CCSER2: variants seen among roughly 807,000 people sequenced by gnomAD.
The protein encoded by CCSER2 is serine-rich coiled-coil domain-containing protein 2.
In CCSER2, 46 loss-of-function variants were observed where a neutral mutation model predicts 92.3. That is an observed-to-expected ratio of 0.50 (90% CI 0.39 to 0.64). The LOEUF (loss-of-function observed/expected upper bound fraction) is 0.64. CCSER2 is among the 30% of genes least tolerant of loss of function. CCSER2 has a pLI of 0.00. For synonymous variants in CCSER2, 433 were observed against 431.4 expected (o/e 1.00, Z -0.04); for missense variants, 1,244 against 1,238.9 (o/e 1.00, Z -0.06).
At chr10:84,413,161 T>G (rs1842738145) in intron 3 of CCSER2, among the ~76,000 whole-genome samples, 1 of 151,844 alleles carries the variant, frequency 6.6e-6, no homozygotes, top group Non-Finnish European at 1.5e-5. Flanking sequence ...AGTTCAGCTC[T>G]GATCTTGGTT....
At position 84,496,890 on chromosome 10, in the gene CCSER2, T is replaced by C. The variant is rs77547887; in HGVS notation, c.2326-16559T>C. 1.4e-3 allele frequency among the ~76,000 whole-genome samples: 219 copies of C among 152,286 alleles called. 2 individuals are homozygous for C. The East Asian group carries it at 0.04, about 28-fold the overall frequency. ...CTTTCAGAATATTGTGTTTTATATA[T>C]AGTGCCCAGGGTTTTTAGCTGTATT... On this transcript the variant is annotated intron_variant, in intron 9 of 9. Transcript: ENST00000372088.
In CCSER2 at chr10:84,513,841, T is replaced by C; in HGVS notation, c.2718T>C (p.Asn906=). Residue 906 remains asparagine (N), a synonymous_variant, in exon 10 of 10, where the codon AAT becomes AAC. Coordinates refer to ENST00000372088, the MANE Select transcript of CCSER2 (RefSeq NM_001284240.2). The part of the protein sequence containing the change: ...TVDQAKRVGR[N]QSPPVGYMSQ... ...ACCAGGCTAAGAGAGTTGGAAGAAA[T>C]CAGTCTCCGCCAGTGGGTTATATGT... 1 of 1,536,224 alleles carries C rather than the reference T, an allele frequency of 6.5e-7. No individual in the cohort carries two copies. Among genetic ancestry groups the C allele is most frequent in the Non-Finnish European group, 8.7e-7 (1 of 1,146,928 alleles).
chr10:84,341,017 A>G (rs192873624), intron 1 of CCSER2, among the ~76,000 whole-genome samples: 3 of 149,760 alleles, frequency 2.0e-5, no homozygotes, highest in African/African-American at 7.4e-5. Flanking sequence ...TCCTACTCTC[A>G]TGTACCACTC....
At chr10:84,373,386 AAGAT>A (rs1374392435) in intron 2 of CCSER2, among the ~76,000 whole-genome samples, 2 of 152,160 alleles carry the variant, frequency 1.3e-5, no homozygotes, top group Admixed American at 6.5e-5. Flanking sequence ...ACAGAAGTGA[AAGAT>A]GACTAAATGA....
At position 84,425,828 on chromosome 10, in the gene CCSER2, A is replaced by G; in HGVS notation, c.1803A>G (p.Gly601=). The change falls in exon 5 of 10, where the codon GGA becomes GGG. Residue 601 remains glycine, a synonymous_variant. Transcript: ENST00000372088. ...FWKRPPQRWS[G]QEHYHLSHPD... ...AAAGGCCACCCCAGAGGTGGAGTGGACAGGAGCATTACCACCTCAGCCACC... is the reference window on the plus strand; with the variant it reads ...AAAGGCCACCCCAGAGGTGGAGTGGGCAGGAGCATTACCACCTCAGCCACC... 2 of 1,613,162 alleles carry G rather than the reference A, an allele frequency of 1.2e-6. No individual in the cohort carries two copies. The highest frequency in any genetic ancestry group is 1.7e-6 in the Non-Finnish European group (2 of 1,179,332).
In CCSER2 at chr10:84,372,454, G is replaced by C. The variant is rs1846114233; in HGVS notation, c.1402G>C (p.Asp468His). 1.9e-6 allele frequency: 3 copies of C among 1,552,404 alleles called. No individual in the cohort carries two copies. The highest frequency in any genetic ancestry group is 4.3e-5 in the Admixed American group (2 of 46,298). The change falls in exon 2 of 10, where the codon GAT (aspartate) becomes CAT (histidine). Residue 468 changes from aspartate to histidine, a missense_variant. By Grantham distance (81) the Asp-to-His change is moderately conservative. Transcript: ENST00000372088. The stretch of plus-strand genomic sequence containing the variant: ...CTTCAGTAAAACTGATGAATGGATA[G>C]ATATAAGTGTCTCTGGTAAATATTA... The part of the protein sequence containing the change: ...KAFSKTDEWI[D>H]ISVSDRSECT...
At chr10:84,386,979 T>A (rs776178289) in intron 3 of CCSER2, among the ~76,000 whole-genome samples, 15 of 152,024 alleles carry the variant, frequency 9.9e-5, no homozygotes, top group African/African-American at 3.6e-4. Flanking sequence ...AATTACCTAT[T>A]GGGTACAGTG....
chr10:84,363,645 A>G (rs1845629154), intron 1 of CCSER2, among the ~76,000 whole-genome samples: 1 of 152,240 alleles, frequency 6.6e-6, no homozygotes, highest in African/African-American at 2.4e-5. Context: ...GGTAATGGAT[A>G]TGAAAGGAGT....
chr10:84,329,371 C>G (rs1008086723), intron 1 of CCSER2, among the ~76,000 whole-genome samples: 2 of 152,140 alleles, frequency 1.3e-5, no homozygotes, highest in African/African-American at 4.8e-5. Flanking sequence ...GAAGGGACTC[C>G]TTTGTGGTGG....
chr10:84,491,791 C>T (rs184048535), intron 9 of CCSER2, among the ~76,000 whole-genome samples: 6 of 152,258 alleles, frequency 3.9e-5, no homozygotes, highest in African/African-American at 1.2e-4. Flanking sequence ...AAACTGGTAC[C>T]TCAGTTGGAA....
intron 3 of CCSER2, among the ~76,000 whole-genome samples, chr10:84,396,900 A>G (rs752368590): frequency 2.0e-5 from 3 of 152,126 alleles, no homozygotes; most frequent in Non-Finnish European, 4.4e-5. Context: ...TGCATTGTTT[A>G]TTCAATTACT....
intron 1 of CCSER2, among the ~76,000 whole-genome samples, chr10:84,365,282 A>G (rs1407152538): frequency 1.3e-5 from 2 of 152,308 alleles, no homozygotes; most frequent in East Asian, 3.9e-4. Flanking sequence ...TTAGACACCT[A>G]ACAGATTACA....
At chr10:84,386,047 T>C (rs1841186902) in intron 3 of CCSER2, among the ~76,000 whole-genome samples, 1 of 151,728 alleles carries the variant, frequency 6.6e-6, no homozygotes, top group African/African-American at 2.4e-5. Flanking sequence ...CTCACACCAG[T>C]CAGAATGGCT....
chr10:84,369,329 T>A (rs1365387690), intron 1 of CCSER2, among the ~76,000 whole-genome samples: 1 of 152,166 alleles, frequency 6.6e-6, no homozygotes, highest in Non-Finnish European at 1.5e-5. Flanking sequence ...CAATATCTAT[T>A]GTTTTTTGAC....
chr10:84,456,493 AT>A (rs1845630875), intron 6 of CCSER2, among the ~76,000 whole-genome samples: 1 of 152,096 alleles, frequency 6.6e-6, no homozygotes, highest in Non-Finnish European at 1.5e-5. Flanking sequence ...GCTGAAGGGT[AT>A]TTATGTTGCT....
chr10:84,435,700 A>G (rs896012155), intron 5 of CCSER2, among the ~76,000 whole-genome samples: 12 of 151,948 alleles, frequency 7.9e-5, no homozygotes, highest in Non-Finnish European at 1.3e-4. Flanking sequence ...CCAAAAACTC[A>G]GATGCAAAGG....
chr10:84,433,050 A>G (rs1322476767), intron 5 of CCSER2, among the ~76,000 whole-genome samples: 3 of 152,078 alleles, frequency 2.0e-5, no homozygotes, highest in East Asian at 3.9e-4. Context: ...TGAGCTCTCT[A>G]TTGTATTCAG....
chr10:84,367,487 C>A (rs1845837213), intron 1 of CCSER2, among the ~76,000 whole-genome samples: 1 of 152,008 alleles, frequency 6.6e-6, no homozygotes, highest in African/African-American at 2.4e-5. Flanking sequence ...GTTGATCTTC[C>A]CGCTTTAGCC....
At chr10:84,376,762 A>C (rs1846360205) in intron 3 of CCSER2, among the ~76,000 whole-genome samples, 1 of 152,124 alleles carries the variant, frequency 6.6e-6, no homozygotes, top group African/African-American at 2.4e-5. Flanking sequence ...AGATGCTGTC[A>C]GTGTTTCAAA....
Sources: gnomAD v4.1 joint callset for allele counts (sites outside exome capture counted in the v4.1 genomes callset) on GRCh38, gnomAD v4.1.1 for gene constraint, MANE v1.5 for transcripts, NCBI Gene and HGNC (gene_info 2026-07-23, HGNC 2026-07-21) for gene names.